LRBA: variants seen among roughly 807,000 people sequenced by gnomAD.
LRBA encodes the protein LPS responsive beige-like anchor protein.
A neutral mutation model predicts 330.0 loss-of-function variants in LRBA; 176 were observed. The ratio of observed to expected loss-of-function variants is 0.53; its 90% CI spans 0.47 to 0.60. LRBA has a LOEUF of 0.60. LRBA is among the 20% of genes least tolerant of loss of function. LRBA has a pLI of 0.00. For synonymous variants in LRBA, 1,230 were observed against 1,193.0 expected (o/e 1.03, Z -0.64); for missense variants, 3,259 against 3,444.8 (o/e 0.95, Z 1.35).
At chr4:150,869,276 T>C (rs531648010) in intron 20 of LRBA, among the ~76,000 whole-genome samples, 1 of 152,052 alleles carries the variant, frequency 6.6e-6, no homozygotes, top group Non-Finnish European at 1.5e-5. Flanking sequence ...AAAAGTAAAA[T>C]TAGACACAAA....
Position 150,371,556 on chromosome 4 carries a change from T to C in LRBA, c.7195-21397A>G, listed in dbSNP as rs958122733. Among the ~76,000 whole-genome samples the C allele has an allele frequency of 2.6e-5, 4 of 152,072 alleles. 1 individual carries two copies. Among genetic ancestry groups the C allele is most frequent in the South Asian group, 4.2e-4 (2 of 4,818 alleles). On this transcript the variant is annotated intron_variant, in intron 47 of 56. Transcript: ENST00000651943. Reference sequence around the variant, plus strand: ...TTCAGGGTACTCTGGCTGTGTCCTGTGGGATAAAGACAAATGAGGCATTCT... The same window carrying C: ...TTCAGGGTACTCTGGCTGTGTCCTGCGGGATAAAGACAAATGAGGCATTCT...
At chr4:150,680,022 G>A (rs1488472405) in intron 37 of LRBA, among the ~76,000 whole-genome samples, 3 of 152,082 alleles carry the variant, frequency 2.0e-5, no homozygotes, top group Non-Finnish European at 4.4e-5. Context: ...TTTACCAGGT[G>A]TCATCTACAT....
rs185008070 is a variant in LRBA at position 150,294,680 on chromosome 4, A to C, written c.8017+7945T>G. ...GTAGTAGTAGCAGCAGGCCAGGCGCAGTGGCTCACGCCTGTAATCCCAGCA... is the reference window on the plus strand; with the variant it reads ...GTAGTAGTAGCAGCAGGCCAGGCGCCGTGGCTCACGCCTGTAATCCCAGCA... On this transcript the variant is annotated intron_variant, in intron 53 of 56. Coordinates refer to ENST00000651943, the MANE Select transcript of LRBA (RefSeq NM_001364905.1). Among the ~76,000 whole-genome samples, 14 of 152,314 alleles carry C rather than the reference A, an allele frequency of 9.2e-5. No individual in the cohort carries two copies. The South Asian group carries it at 2.7e-3, about 29-fold the overall frequency.
intron 30 of LRBA, among the ~76,000 whole-genome samples, chr4:150,817,540 A>G (rs942048096): frequency 9.9e-5 from 15 of 151,982 alleles, no homozygotes; most frequent in African/African-American, 3.4e-4. Context: ...TATCTAACAA[A>G]TAAAATATAA....
intron 2 of LRBA, among the ~76,000 whole-genome samples, chr4:150,932,052 G>GT (rs1319720503): frequency 1.3e-5 from 2 of 152,124 alleles, no homozygotes; most frequent in Admixed American, 6.6e-5. Flanking sequence ...CCTAGCCTGG[G>GT]TGACAGAGCA....
At chr4:151,000,735 G>A (rs546794645) in intron 2 of LRBA, among the ~76,000 whole-genome samples, 1 of 152,324 alleles carries the variant, frequency 6.6e-6, no homozygotes, top group Admixed American at 6.5e-5. Flanking sequence ...GCTGACTAGA[G>A]GCATCTCCTA....
chr4:150,445,371 CTCTCTCTATATATATATATA>C (rs1347581301), intron 44 of LRBA, among the ~76,000 whole-genome samples: 42 of 84,384 alleles, frequency 5.0e-4, no homozygotes, highest in African/African-American at 6.8e-4. Flanking sequence ...CTCTCTCTCT[CTCTCTCTATATATATATATA>C]TATATATATA....
intron 40 of LRBA, among the ~76,000 whole-genome samples, chr4:150,563,609 C>T (rs553079737): frequency 3.3e-5 from 5 of 152,168 alleles, no homozygotes; most frequent in East Asian, 1.9e-4. Context: ...TGTTTGCAGA[C>T]GACATGATTG....
At chr4:150,715,507 AAAG>A (rs1728071629) in intron 36 of LRBA, among the ~76,000 whole-genome samples, 1 of 152,258 alleles carries the variant, frequency 6.6e-6, no homozygotes, top group South Asian at 2.1e-4. Flanking sequence ...GAAATATTGA[AAAG>A]AATACTGAAT....
chr4:150,450,920 A>C (rs1371294553), intron 44 of LRBA, among the ~76,000 whole-genome samples: 1 of 152,086 alleles, frequency 6.6e-6, no homozygotes, highest in Non-Finnish European at 1.5e-5. Flanking sequence ...AATCCTAGCT[A>C]CTCAAGAGGC....
Position 150,852,793 on chromosome 4 carries a change from G to A in LRBA, c.2917C>T (p.Gln973Ter), listed in dbSNP as rs753358028. 6.2e-7 allele frequency: 1 copy of A among 1,614,044 alleles called. No individual in the cohort carries two copies. Among genetic ancestry groups the A allele is most frequent in the Non-Finnish European group, 8.5e-7 (1 of 1,179,966 alleles). Residue 973 changes from glutamine (Q) to a stop codon, truncating the protein, a stop_gained, in exon 23 of 57, where the codon CAA becomes TAA. Coordinates refer to ENST00000651943, the MANE Select transcript of LRBA (RefSeq NM_001364905.1). LOFTEE classifies it high-confidence loss of function. ...ACAGGAGAATCCTTCGTATCTGGTT[G>A]CTGGGATCCTACTGAAACATTAATA... ...RDINVSVGSQ[Q>*]PDTKDSPVCP...
intron 37 of LRBA, among the ~76,000 whole-genome samples, chr4:150,634,739 G>C (rs891098430): frequency 7.2e-5 from 11 of 152,068 alleles, no homozygotes. Context: ...CAGTGGACAG[G>C]CATTTGCAAA....
At chr4:150,955,256 G>C (rs1188203762) in intron 2 of LRBA, among the ~76,000 whole-genome samples, 15 of 148,408 alleles carry the variant, frequency 1.0e-4, no homozygotes, top group Non-Finnish European at 2.1e-4. Context: ...GACTGAAAGA[G>C]TGACACACTA....
intron 56 of LRBA, among the ~76,000 whole-genome samples, chr4:150,266,723 C>T (rs989630409): frequency 1.3e-5 from 2 of 152,076 alleles, no homozygotes; most frequent in Non-Finnish European, 2.9e-5. Context: ...TCAGTCTTTC[C>T]TTATCAGTCA....
chr4:150,679,143 T>C (rs1055475537), intron 37 of LRBA, among the ~76,000 whole-genome samples: 17 of 152,162 alleles, frequency 1.1e-4, no homozygotes, highest in African/African-American at 3.9e-4. Context: ...CAAAACAATC[T>C]TTCCTTAGGC....
intron 36 of LRBA, among the ~76,000 whole-genome samples, chr4:150,698,743 T>C (rs1037195929): frequency 6.6e-6 from 1 of 152,216 alleles, no homozygotes. Context: ...TATTATTTCT[T>C]GTTATATGTA....
chr4:150,326,676 T>C (rs1733308873), intron 48 of LRBA, among the ~76,000 whole-genome samples: 6 of 152,226 alleles, frequency 3.9e-5, no homozygotes, highest in Admixed American at 2.6e-4. Context: ...TTTATATCTG[T>C]TTCTTCCCAG....
At chr4:150,901,976 T>C (rs1730778496) in intron 13 of LRBA, among the ~76,000 whole-genome samples, 1 of 152,160 alleles carries the variant, frequency 6.6e-6, no homozygotes, top group Admixed American at 6.5e-5. Flanking sequence ...GGAAATACAG[T>C]GGCACATATG....
chr4:150,856,764 A>C (rs1751270810), intron 22 of LRBA, among the ~76,000 whole-genome samples: 1 of 152,204 alleles, frequency 6.6e-6, no homozygotes, highest in South Asian at 2.1e-4. Context: ...ATTGTTCTAA[A>C]TTACCCAGCT....
Sources: allele counts gnomAD v4.1 joint callset (sites outside exome capture counted in the v4.1 genomes callset), GRCh38; gene constraint gnomAD v4.1.1; transcripts MANE v1.5; gene names NCBI Gene and HGNC (gene_info 2026-07-23, HGNC 2026-07-21).